The following CAMK2D variants were observed in gnomAD, a reference collection of about 807,000 sequenced individuals.
CAMK2D encodes the protein calcium/calmodulin-dependent protein kinase type II subunit delta.
In CAMK2D, 37 loss-of-function variants were observed where a neutral mutation model predicts 84.0. That is an observed-to-expected ratio of 0.44 (90% CI 0.34 to 0.58). The LOEUF (loss-of-function observed/expected upper bound fraction) is 0.58, where lower values mean the gene tolerates loss of function less well. Among genes scored for constraint, CAMK2D ranks in the 20% least tolerant of loss-of-function variants. CAMK2D has a pLI of 0.02. For synonymous variants in CAMK2D, 202 were observed against 212.5 expected, an observed-to-expected ratio of 0.95 and a Z score of 0.43; for missense variants, 448 against 652.5, an observed-to-expected ratio of 0.69 and a Z score of 3.41.
At chr4:113,695,030 AT>A (rs779512207) in intron 2 of CAMK2D, among the ~76,000 whole-genome samples, 3 of 152,206 alleles carry the variant, frequency 2.0e-5, no homozygotes, top group Non-Finnish European at 2.9e-5. Flanking sequence ...TATTTAGAAC[AT>A]GATTTGATCA....
At chr4:113,596,976 G>A (rs2098930062) in intron 4 of CAMK2D, among the ~76,000 whole-genome samples, 1 of 152,002 alleles carries the variant, frequency 6.6e-6, no homozygotes, top group South Asian at 2.1e-4. Flanking sequence ...CTCACCACCA[G>A]GCTGGCTAAT....
intron 3 of CAMK2D, among the ~76,000 whole-genome samples, chr4:113,655,226 G>A (rs1401197542): frequency 6.6e-6 from 1 of 152,068 alleles, no homozygotes; most frequent in Admixed American, 6.6e-5. Context: ...GCCAGCATCA[G>A]AAGGAGAATA....
chr4:113,506,633 T>C (rs937841702), intron 13 of CAMK2D, among the ~76,000 whole-genome samples: 10 of 152,166 alleles, frequency 6.6e-5, no homozygotes, highest in Non-Finnish European at 1.3e-4. Context: ...GGAAACATGC[T>C]AGGCAAAACA....
intron 4 of CAMK2D, among the ~76,000 whole-genome samples, chr4:113,603,564 T>G (rs1052963908): frequency 1.3e-5 from 2 of 151,160 alleles, no homozygotes; most frequent in Admixed American, 1.3e-4. Flanking sequence ...AGGAAGGGGA[T>G]GACTTTGCTT....
chr4:113,477,610 G>A (rs1438657372), intron 16 of CAMK2D, among the ~76,000 whole-genome samples: 1 of 151,990 alleles, frequency 6.6e-6, no homozygotes, highest in African/African-American at 2.4e-5. Flanking sequence ...GCCAGGTGTG[G>A]TGGTGGGTGC....
At chr4:113,600,789 C>T (rs1029129788) in intron 4 of CAMK2D, among the ~76,000 whole-genome samples, 1 of 152,082 alleles carries the variant, frequency 6.6e-6, no homozygotes, top group African/African-American at 2.4e-5. Flanking sequence ...CATACCACCA[C>T]ACCAGCTACT....
chr4:113,761,260 G>T lies in CAMK2D; in HGVS notation c.-192C>A, dbSNP rs1013340904. On this transcript the variant is annotated 5_prime_UTR_variant, in exon 1 of 21. Transcript: ENST00000511664. Reference sequence around the variant, plus strand: ...AGGGGAGATGACCAGAAAGGGTGGCGTGGGGTCTCCTCCCCACAGTCCGCC... The same window carrying T: ...AGGGGAGATGACCAGAAAGGGTGGCTTGGGGTCTCCTCCCCACAGTCCGCC... 6.9e-7 allele frequency: 1 copy of T among 1,456,298 alleles called. No homozygotes were observed. Among genetic ancestry groups the T allele is most frequent in the Non-Finnish European group, 9.0e-7 (1 of 1,106,688 alleles). The allele number at this position is 1,456,298 out of a possible 1,614,324, so 90.2% of individuals were successfully genotyped here. A position where few individuals can be genotyped will look rare whatever the true frequency, so the allele number is the denominator to read the frequency against.
chr4:113,642,988 T>C (rs1249841603), intron 3 of CAMK2D, among the ~76,000 whole-genome samples: 1 of 152,092 alleles, frequency 6.6e-6, no homozygotes. Context: ...CAATTTAAAA[T>C]GAAAAGCTAG....
rs534992481 is a variant in CAMK2D, at chr4:113,627,106, T to C, written c.221-17900A>G. On this transcript the variant is annotated intron_variant, in intron 3 of 20. Coordinates refer to ENST00000511664, the MANE Select transcript of CAMK2D (RefSeq NM_001321571.2). The stretch of plus-strand genomic sequence containing the variant: ...AATTCTTATTATTTCCCTTTAATCA[T>C]TGACTGTCCTATGATGCTCTCTTTG... Among the ~76,000 whole-genome samples, 12 of 152,256 alleles carry C rather than the reference T, an allele frequency of 7.9e-5. No homozygotes were observed. In the South Asian group the frequency reaches 8.3e-4, roughly 11 times the overall value.
chr4:113,690,414 T>TA lies in CAMK2D; in HGVS notation c.161-28643dup, dbSNP rs527931816. Among the ~76,000 whole-genome samples the TA allele has an allele frequency of 1.4e-3, 210 of 151,984 alleles. 1 individual carries two copies. Among genetic ancestry groups the TA allele is most frequent in the Admixed American group, 5.7e-3 (87 of 15,258 alleles). On this transcript the variant is annotated intron_variant, in intron 2 of 20. Coordinates refer to ENST00000511664, the MANE Select transcript of CAMK2D (RefSeq NM_001321571.2). ...GGATGTTTAAGGAGGTAATTTAAAT[T>TA]AAAAAAAATGAGCTCCCAGTTGTGG... is the stretch of plus-strand genomic sequence containing the variant.
intron 4 of CAMK2D, among the ~76,000 whole-genome samples, chr4:113,565,056 G>A (rs1445421929): frequency 6.6e-6 from 1 of 152,168 alleles, no homozygotes; most frequent in African/African-American, 2.4e-5. Context: ...TCAGTTCAAA[G>A]AGTCTTCAGA....
chr4:113,503,108 C>T lies in CAMK2D; in HGVS notation c.1045-131G>A, dbSNP rs1027784109. On this transcript the variant is annotated intron_variant, in intron 14 of 20. Transcript: ENST00000511664. The stretch of plus-strand genomic sequence containing the variant: ...ACAAGAGCTAAAGCGATGTTAACTG[C>T]TGTCAGAGTTGCAGCTGACAATATC... 58 of 758,944 alleles carry T rather than the reference C, an allele frequency of 7.6e-5. No individual in the cohort carries two copies. The Admixed American group carries it at 1.1e-3, about 14-fold the overall frequency. 47.0% of individuals were successfully genotyped at this position (758,944 alleles called of 1,614,324 possible).
intron 2 of CAMK2D, among the ~76,000 whole-genome samples, chr4:113,710,800 G>A (rs1030814962): frequency 2.0e-5 from 3 of 152,122 alleles, no homozygotes; most frequent in Admixed American, 6.6e-5. Flanking sequence ...ATCAAAGATT[G>A]CTGATTTAGG....
At chr4:113,484,062 G>T (rs2097736008) in intron 16 of CAMK2D, among the ~76,000 whole-genome samples, 1 of 152,120 alleles carries the variant, frequency 6.6e-6, no homozygotes, top group East Asian at 1.9e-4. Context: ...CTGAAACAAA[G>T]AATTTAATTA....
chr4:113,463,605 A>G (rs927713144), intron 17 of CAMK2D, among the ~76,000 whole-genome samples: 2 of 152,134 alleles, frequency 1.3e-5, no homozygotes, highest in South Asian at 4.1e-4. Context: ...TGAACTTCCA[A>G]CCTCAGGTGA....
chr4:113,457,990 T>C (rs892532650), intron 18 of CAMK2D, among the ~76,000 whole-genome samples: 3 of 152,140 alleles, frequency 2.0e-5, no homozygotes, highest in African/African-American at 7.2e-5. Flanking sequence ...GTGGTGGTTG[T>C]TTTTGTTAGT....
chr4:113,572,782 G>A (rs1318990077), intron 4 of CAMK2D, among the ~76,000 whole-genome samples: 1 of 152,032 alleles, frequency 6.6e-6, no homozygotes, highest in Non-Finnish European at 1.5e-5. Context: ...GCAAATACAT[G>A]GAATCAACCT....
intron 2 of CAMK2D, among the ~76,000 whole-genome samples, chr4:113,747,985 C>T (rs114304375): frequency 0.018 from 2,742 of 152,204 alleles, 42 homozygotes; most frequent in Middle Eastern, 0.034. Context: ...TCTGGCTTCT[C>T]GTGAGTATTT....
At chr4:113,707,677 A>G (rs953301333) in intron 2 of CAMK2D, among the ~76,000 whole-genome samples, 1 of 152,198 alleles carries the variant, frequency 6.6e-6, no homozygotes, top group Non-Finnish European at 1.5e-5. Flanking sequence ...GCATAAAGGA[A>G]CTATTAAATA....
Sources: gnomAD v4.1 joint callset for allele counts (sites outside exome capture counted in the v4.1 genomes callset) on GRCh38, gnomAD v4.1.1 for gene constraint, MANE v1.5 for transcripts, NCBI Gene and HGNC (gene_info 2026-07-23, HGNC 2026-07-21) for gene names.